The following DTNB variants were observed in gnomAD, a reference collection of about 807,000 sequenced individuals.
DTNB encodes the protein DTN-B.
In DTNB, 63 loss-of-function variants were observed where a neutral mutation model predicts 90.7. The ratio of observed to expected loss-of-function variants is 0.69; its 90% confidence interval spans 0.57 to 0.86. DTNB has a LOEUF of 0.86. Among genes scored for constraint, DTNB ranks in the 40% least tolerant of loss-of-function variants. The pLI is 0.00. For synonymous variants in DTNB, 277 were observed against 286.7 expected (o/e 0.97, Z 0.34); for missense variants, 744 against 807.1 (o/e 0.92, Z 0.95).
intron 3 of DTNB, among the ~76,000 whole-genome samples, chr2:25,630,898 T>C (rs2148736993): frequency 6.9e-6 from 1 of 145,502 alleles, no homozygotes; most frequent in Admixed American, 6.8e-5. Context: ...TTCTGCAATA[T>C]GGATAAACCC....
At chr2:25,388,843 T>C (rs1196350118) in intron 16 of DTNB, among the ~76,000 whole-genome samples, 1 of 152,030 alleles carries the variant, frequency 6.6e-6, no homozygotes, top group African/African-American at 2.4e-5. Flanking sequence ...TGTATATATT[T>C]ATATACGTAT....
chr2:25,503,110 C>T (rs916663033), intron 9 of DTNB, among the ~76,000 whole-genome samples: 8 of 121,674 alleles, frequency 6.6e-5, no homozygotes, highest in Middle Eastern at 7.9e-3. Context: ...TGTGAAGCTA[C>T]GAAGGAAGAA....
intron 16 of DTNB, among the ~76,000 whole-genome samples, chr2:25,396,139 A>G (rs1454254069): frequency 6.6e-6 from 1 of 152,226 alleles, no homozygotes; most frequent in African/African-American, 2.4e-5. Context: ...GGAACTGGAG[A>G]CCATTATTCT....
At chr2:25,512,206 CAT>C (rs1372690463) in intron 9 of DTNB, among the ~76,000 whole-genome samples, 1 of 152,100 alleles carries the variant, frequency 6.6e-6, no homozygotes, top group Admixed American at 6.5e-5. Flanking sequence ...TCCAAAAACT[CAT>C]AAAAAATACA....
intron 2 of DTNB, among the ~76,000 whole-genome samples, chr2:25,644,910 C>T (rs2079105299): frequency 6.6e-6 from 1 of 151,962 alleles, no homozygotes; most frequent in Non-Finnish European, 1.5e-5. Context: ...GAGGAAGATA[C>T]AAATACAACC....
chr2:25,476,030 C>A (rs999113943), intron 10 of DTNB, among the ~76,000 whole-genome samples: 1 of 151,868 alleles, frequency 6.6e-6, no homozygotes, highest in Admixed American at 6.6e-5. Flanking sequence ...CCTGCTAACA[C>A]AACATCCATC....
intron 1 of DTNB, among the ~76,000 whole-genome samples, chr2:25,656,355 T>C (rs1201538490): frequency 6.6e-6 from 1 of 152,208 alleles, no homozygotes; most frequent in East Asian, 1.9e-4. Context: ...GTTCCATACC[T>C]AAGAAGGGTA....
chr2:25,398,786 A>G (rs79392481), intron 16 of DTNB, among the ~76,000 whole-genome samples: 2,352 of 151,960 alleles, frequency 0.015, 64 homozygotes, highest in African/African-American at 0.055. Context: ...TCTCACTACT[A>G]TCTCCTCTAG....
intron 9 of DTNB, among the ~76,000 whole-genome samples, chr2:25,507,815 A>G (rs916727152): frequency 2.0e-5 from 3 of 152,116 alleles, no homozygotes; most frequent in African/African-American, 7.2e-5. Context: ...TAGCCCTCAT[A>G]ATATCTTTGA....
intron 1 of DTNB, among the ~76,000 whole-genome samples, chr2:25,662,207 TC>T (rs1158896539): frequency 2.0e-5 from 3 of 151,580 alleles, no homozygotes; most frequent in African/African-American, 7.3e-5. Flanking sequence ...ACCCAGAAAT[TC>T]CCTTTTTACA....
intron 16 of DTNB, among the ~76,000 whole-genome samples, chr2:25,404,691 C>T (rs1261961721): frequency 6.6e-6 from 1 of 152,032 alleles, no homozygotes; most frequent in Non-Finnish European, 1.5e-5. Flanking sequence ...CCCATCTCTA[C>T]TAAAAATACA....
intron 16 of DTNB, among the ~76,000 whole-genome samples, chr2:25,391,836 T>C (rs1641963656): frequency 6.6e-6 from 1 of 152,160 alleles, no homozygotes; most frequent in Non-Finnish European, 1.5e-5. Flanking sequence ...GGATCAACAA[T>C]GAAATCAAGA....
intron 1 of DTNB, among the ~76,000 whole-genome samples, chr2:25,658,982 C>T (rs1415662247): frequency 1.3e-5 from 2 of 151,932 alleles, no homozygotes; most frequent in Non-Finnish European, 2.9e-5. Flanking sequence ...AGGCTGGTCT[C>T]GAACTCCTGG....
intron 6 of DTNB, 55 bp downstream of exon 6, chr2:25,596,031 G>C (rs1481123939): frequency 8.9e-6 from 13 of 1,453,134 alleles, no homozygotes; most frequent in Non-Finnish European, 1.2e-5. Flanking sequence ...CTGTTAGAAG[G>C]TGAAGGGAGG....
chr2:25,382,154 C>G (rs55924491), intron 19 of DTNB, among the ~76,000 whole-genome samples: 20,399 of 152,250 alleles, frequency 0.13, 1,910 homozygotes, highest in East Asian at 0.51. Context: ...AGGGCTGCTG[C>G]TGGCTCCTCC....
intron 12 of DTNB, among the ~76,000 whole-genome samples, chr2:25,434,694 A>G (rs1286854628): frequency 1.3e-5 from 2 of 152,006 alleles, no homozygotes; most frequent in Admixed American, 6.6e-5. Context: ...GTATTTGTCT[A>G]TGTATGTTTT....
At chr2:25,650,305 C>G in intron 2 of DTNB, 1 of 928,514 alleles carries the variant, frequency 1.1e-6, no homozygotes, top group African/African-American at 1.8e-5. Flanking sequence ...GTGTTTTGTT[C>G]TCCTCTGTAG....
At chr2:25,626,195 T>C (rs2074117336) in intron 4 of DTNB, among the ~76,000 whole-genome samples, 1 of 152,230 alleles carries the variant, frequency 6.6e-6, no homozygotes, top group Admixed American at 6.5e-5. Context: ...TGACCATTTT[T>C]AGACAGTAAG....
Position 25,607,160 on chromosome 2 carries a change from T to C in DTNB, c.448+76A>G, listed in dbSNP as rs1373890814. ...TTTTTAAAAGCTCAATATAACATCA[T>C]TCAAAATTCTGACAATATTCATTTA... On this transcript the variant is annotated intron_variant, in intron 5 of 20. Transcript: ENST00000406818. 3.4e-6 allele frequency: 5 copies of C among 1,473,000 alleles called. No homozygotes were observed. The East Asian group carries it at 7.4e-5, about 22-fold the overall frequency. The allele number at this position is 1,473,000 out of a possible 1,614,324, so 91.2% of individuals were successfully genotyped here. A position where few individuals can be genotyped will look rare whatever the true frequency, so the allele number is the denominator to read the frequency against.
Sources: allele counts gnomAD v4.1 joint callset (sites outside exome capture counted in the v4.1 genomes callset), GRCh38; gene constraint gnomAD v4.1.1; transcripts MANE v1.5; gene names NCBI Gene and HGNC (gene_info 2026-07-23, HGNC 2026-07-21).